The following PCDH9 variants were observed in gnomAD, a reference collection of about 807,000 sequenced individuals.
PCDH9 encodes protocadherin 9.
PCDH9 carries 24 observed loss-of-function variants against 70.6 expected under a neutral mutation model. The observed-to-expected ratio is 0.34, with a 90% CI of 0.25 to 0.48. The LOEUF is 0.48. PCDH9 is among the 20% of genes least tolerant of loss of function. The pLI, the probability that PCDH9 is intolerant of heterozygous loss-of-function variation, is 0.99. For synonymous variants in PCDH9, 562 were observed against 558.5 expected (o/e 1.01, Z -0.09); for missense variants, 1,281 against 1,503.6 (o/e 0.85, Z 2.45).
chr13:66,794,660 C>A (rs1003709998), intron 3 of PCDH9, among the ~76,000 whole-genome samples: 2 of 152,114 alleles, frequency 1.3e-5, no homozygotes, highest in African/African-American at 4.8e-5. Context: ...GGCAGTAATG[C>A]TGCTGTTCAA....
At chr13:66,673,425 G>A (rs1277230588) in intron 3 of PCDH9, among the ~76,000 whole-genome samples, 1 of 152,076 alleles carries the variant, frequency 6.6e-6, no homozygotes. Context: ...ACCCAGTCTT[G>A]GATATTTCTT....
intron 4 of PCDH9, among the ~76,000 whole-genome samples, chr13:66,620,345 A>C (rs982161308): frequency 1.3e-5 from 2 of 152,182 alleles, no homozygotes; most frequent in African/African-American, 4.8e-5. Flanking sequence ...TTTGGTGGTT[A>C]AGTATCTGAG....
chr13:66,573,529 A>G (rs1055963159), intron 4 of PCDH9, among the ~76,000 whole-genome samples: 1 of 152,104 alleles, frequency 6.6e-6, no homozygotes, highest in African/African-American at 2.4e-5. Context: ...CTTGTTACCT[A>G]TGTGAGTTTC....
At chr13:66,778,731 A>G (rs1283362079) in intron 3 of PCDH9, among the ~76,000 whole-genome samples, 1 of 152,230 alleles carries the variant, frequency 6.6e-6, no homozygotes, top group East Asian at 1.9e-4. Context: ...GATAAAGCTG[A>G]GATAAGGAAA....
At chr13:66,652,009 G>T (rs528449445) in intron 3 of PCDH9, among the ~76,000 whole-genome samples, 8 of 151,932 alleles carry the variant, frequency 5.3e-5, no homozygotes, top group African/African-American at 1.7e-4. Context: ...ATAACGTACC[G>T]CAATACAATA....
chr13:66,983,780 C>G (rs761147917), intron 2 of PCDH9, among the ~76,000 whole-genome samples: 1 of 151,626 alleles, frequency 6.6e-6, no homozygotes, highest in Non-Finnish European at 1.5e-5. Context: ...ATTTTGTGAC[C>G]GAGGAGGTGC....
At chr13:66,904,496 A>G (rs1430038777) in intron 2 of PCDH9, among the ~76,000 whole-genome samples, 1 of 152,052 alleles carries the variant, frequency 6.6e-6, no homozygotes, top group African/African-American at 2.4e-5. Flanking sequence ...CTTTGATAAA[A>G]AGATATTGTT....
intron 4 of PCDH9, among the ~76,000 whole-genome samples, chr13:66,332,001 G>T (rs1411804840): frequency 6.6e-6 from 1 of 152,128 alleles, no homozygotes. Context: ...TGCAGATTGT[G>T]ATAAATGTTA....
chr13:66,713,265 T>C (rs1328679262), intron 3 of PCDH9, among the ~76,000 whole-genome samples: 2 of 152,106 alleles, frequency 1.3e-5, no homozygotes, highest in African/African-American at 4.8e-5. Flanking sequence ...TTATATACCT[T>C]GTAATAAATG....
chr13:66,453,125 T>C (rs947863641), intron 4 of PCDH9, among the ~76,000 whole-genome samples: 1 of 152,158 alleles, frequency 6.6e-6, no homozygotes, highest in Non-Finnish European at 1.5e-5. Context: ...AGGCAGAAAT[T>C]ATCTAATTAT....
intron 4 of PCDH9, among the ~76,000 whole-genome samples, chr13:66,616,396 A>G (rs2077355858): frequency 1.5e-5 from 1 of 67,858 alleles, no homozygotes; most frequent in Admixed American, 2.1e-4. Context: ...CATTCCTATC[A>G]GAAGTTTTTT....
intron 4 of PCDH9, among the ~76,000 whole-genome samples, chr13:66,568,876 C>T (rs2076691562): frequency 6.6e-6 from 1 of 150,788 alleles, no homozygotes; most frequent in African/African-American, 2.4e-5. Context: ...GGGTGGGTTT[C>T]TAAACAGTAG....
At chr13:66,809,785 A>AG (rs2080471935) in intron 3 of PCDH9, among the ~76,000 whole-genome samples, 2 of 151,768 alleles carry the variant, frequency 1.3e-5, no homozygotes, top group South Asian at 4.2e-4. Context: ...ACTTGGCAAA[A>AG]AAAAGAGGGT....
At chr13:67,172,363 C>T (rs2088312002) in intron 2 of PCDH9, among the ~76,000 whole-genome samples, 1 of 152,068 alleles carries the variant, frequency 6.6e-6, no homozygotes, top group South Asian at 2.1e-4. Context: ...TGTCTATGCC[C>T]TTTCTATAGA....
intron 3 of PCDH9, among the ~76,000 whole-genome samples, chr13:66,753,211 A>G (rs963427907): frequency 6.6e-6 from 1 of 152,158 alleles, no homozygotes; most frequent in East Asian, 1.9e-4. Flanking sequence ...AAACATTTTC[A>G]TATCTGTATG....
intron 4 of PCDH9, among the ~76,000 whole-genome samples, chr13:66,561,991 C>A (rs117456316): frequency 0.013 from 2,050 of 152,060 alleles, 36 homozygotes; most frequent in East Asian, 0.04. Flanking sequence ...GTCTGCAGCT[C>A]CACTCCTGAG....
intron 4 of PCDH9, among the ~76,000 whole-genome samples, chr13:66,340,450 G>C (rs986037348): frequency 6.6e-6 from 1 of 152,140 alleles, no homozygotes; most frequent in African/African-American, 2.4e-5. Flanking sequence ...ATGCTGGAAG[G>C]ACTAGATGTA....
chr13:66,337,610 CAAACA>C (rs1956058469), intron 4 of PCDH9, among the ~76,000 whole-genome samples: 1 of 151,814 alleles, frequency 6.6e-6, no homozygotes, highest in Non-Finnish European at 1.5e-5. Flanking sequence ...AACAAACAAA[CAAACA>C]AACAAACAGA....
At chr13:67,215,950 A>G (rs2089590840) in intron 2 of PCDH9, 1 of 152,168 alleles carries the variant, frequency 6.6e-6, no homozygotes, top group African/African-American at 2.4e-5. Context: ...GTAGTGGCAT[A>G]CCAGTATTTG....
Sources: allele counts gnomAD v4.1 joint callset (sites outside exome capture counted in the v4.1 genomes callset), GRCh38; gene constraint gnomAD v4.1.1; transcripts MANE v1.5; gene names NCBI Gene and HGNC (gene_info 2026-07-23, HGNC 2026-07-21).